Variants in CUL4B observed in about 807,000 individuals in gnomAD.
CUL4B encodes the protein cullin 4B, also known as cullin-4B.
A neutral mutation model predicts 69.2 loss-of-function variants in CUL4B; 1 was observed. The ratio of observed to expected loss-of-function variants is 0.01; its 90% CI spans 0.01 to 0.07. CUL4B has a LOEUF of 0.07. Among genes scored for constraint, CUL4B ranks in the 10% least tolerant of loss-of-function variants. The pLI is 1.00. For missense variants in CUL4B, 328 were observed against 638.8 expected, an observed-to-expected ratio of 0.51 and a Z score of 5.24; for synonymous variants, 237 against 223.2, an observed-to-expected ratio of 1.06 and a Z score of -0.55.
chrX:120,560,894 CG>C lies in CUL4B; in HGVS notation c.-257del, dbSNP rs961711890. The C allele has an allele frequency of 1.8e-4, 133 of 750,350 alleles. 1 individual carries two copies. The highest frequency in any genetic ancestry group is 2.1e-4 in the Non-Finnish European group (133 of 638,282). 61.8% of individuals were successfully genotyped at this position (750,350 alleles called of 1,213,427 possible). ...ATGAGGAGGCAGACAGGTAAACGGC[CG>C]TGCCGTCCCCCTCCCCTGCTTTTCG... On this transcript the variant is annotated 5_prime_UTR_variant, in exon 1 of 20. Coordinates refer to ENST00000371322, the MANE Select transcript of CUL4B (RefSeq NM_001079872.2).
chrX:120,540,324 T>A (rs771209736), intron 11 of CUL4B, 46 bp downstream of exon 11: 1 of 1,111,750 alleles, frequency 9.0e-7, no homozygotes, highest in South Asian at 1.8e-5. Context: ...ATTTTATGAC[T>A]CAAAGAACAT....
rs771520288 is a variant in CUL4B, at chrX:120,542,053, A to AC, written c.1325-334dup. On this transcript the variant is annotated intron_variant, in intron 9 of 19. Coordinates refer to ENST00000371322, the MANE Select transcript of CUL4B (RefSeq NM_001079872.2). ...AGACCAGCCTGGGCACAACAGTAAG[A>AC]CCCCCTCCCCCTCTCTATTTTAATT... Among the ~76,000 whole-genome samples, 9 of 110,040 alleles carry AC rather than the reference A, an allele frequency of 8.2e-5. No individual in the cohort carries two copies. In the South Asian group the frequency reaches 3.5e-3, roughly 43 times the overall value.
intron 13 of CUL4B, 80 bp downstream of exon 13, chrX:120,538,580 G>A (rs1479934305): frequency 8.9e-6 from 6 of 677,761 alleles, no homozygotes; most frequent in Non-Finnish European, 1.4e-5. Flanking sequence ...TGACAAAAGA[G>A]GAAATCGATT....
In CUL4B at chrX:120,537,039, A is replaced by G. The variant is rs1470512029; in HGVS notation, c.1939-5T>C. The G allele has an allele frequency of 7.2e-6, 8 of 1,110,737 alleles. No individual in the cohort carries two copies. Among genetic ancestry groups the G allele is most frequent in the Non-Finnish European group, 9.9e-6 (8 of 805,320 alleles). The allele number at this position is 1,110,737 out of a possible 1,213,427, so 91.5% of individuals were successfully genotyped here. On this transcript the variant is annotated splice_polypyrimidine_tract_variant and splice_region_variant and intron_variant, in intron 14 of 19. Coordinates refer to ENST00000371322, the MANE Select transcript of CUL4B (RefSeq NM_001079872.2). ...AACATTCTGATTCTGCATATACTAT[A>G]AGAAGATCAAAACACACACTGAGAT...
chrX:120,529,973 A>G, intron 19 of CUL4B, 129 bp downstream of exon 19: 1 of 698,000 alleles, frequency 1.4e-6, no homozygotes, highest in Non-Finnish European at 2.1e-6. Context: ...ATGCATCAAC[A>G]TGGGAAATTA....
chrX:120,540,377 T>C lies in CUL4B; in HGVS notation c.1629A>G (p.Glu543=). The C allele has an allele frequency of 8.3e-7, 1 of 1,203,108 alleles. No individual in the cohort carries two copies. Among genetic ancestry groups the C allele is most frequent in the Non-Finnish European group, 1.1e-6 (1 of 887,917 alleles). Residue 543 remains glutamate, a synonymous_variant, in exon 11 of 20, where the codon GAA becomes GAG. Transcript: ENST00000371322. The part of the protein sequence containing the change: ...FINKRPNKPA[E]LIAKYVDSKL... ...AAGGACTGGAAAACATACCTATAAG[T>C]TCAGCTGGTTTATTTGGTCTTTTGT...
At chrX:120,548,176 A>C (rs1924449236) in intron 2 of CUL4B, among the ~76,000 whole-genome samples, 1 of 111,368 alleles carries the variant, frequency 9.0e-6, no homozygotes, top group Admixed American at 9.6e-5. Context: ...TAGGAGGCTG[A>C]GGCAGGAGGA....
In CUL4B at chrX:120,546,627, T is replaced by C. The variant is rs1924348219; in HGVS notation, c.777-11A>G. 1 of 1,148,222 alleles carries C rather than the reference T, an allele frequency of 8.7e-7. No individual in the cohort carries two copies. Among genetic ancestry groups the C allele is most frequent in the Non-Finnish European group, 1.2e-6 (1 of 838,616 alleles). The allele number at this position is 1,148,222 out of a possible 1,213,427, so 94.6% of individuals were successfully genotyped here. On this transcript the variant is annotated splice_polypyrimidine_tract_variant and intron_variant, in intron 3 of 19. Coordinates refer to ENST00000371322, the MANE Select transcript of CUL4B (RefSeq NM_001079872.2). ...CTATCCAATGAATCCCTGAAACATA[T>C]GTTAAGGATATTTTAAAGCGTTTGG...
upstream of CUL4B, among the ~76,000 whole-genome samples, chrX:120,561,739 G>A (rs2147352250): frequency 9.1e-6 from 1 of 110,315 alleles, no homozygotes; most frequent in Non-Finnish European, 1.9e-5. Flanking sequence ...AATAAGGAGT[G>A]GTTGCAAGGC....
At position 120,524,981 on chromosome X, in the gene CUL4B, T is replaced by C. The variant is rs2147313192; in HGVS notation, c.*1780A>G. The C allele has an allele frequency of 8.9e-6, 1 of 112,005 alleles. No individual in the cohort carries two copies. Among genetic ancestry groups the C allele is most frequent in the Admixed American group, 9.6e-5 (1 of 10,418 alleles). 9.2% of individuals were successfully genotyped at this position (112,005 alleles called of 1,213,427 possible). On this transcript the variant is annotated 3_prime_UTR_variant, in exon 20 of 20. Transcript: ENST00000371322. ...ATCTCACAGACCATCAGGGATGAGT[T>C]AGAACACTGTTGTTGATGGTCCGGT...
At chrX:120,551,457 T>C (rs1383090629) in intron 2 of CUL4B, among the ~76,000 whole-genome samples, 2 of 111,085 alleles carry the variant, frequency 1.8e-5, no homozygotes, top group African/African-American at 6.6e-5. Flanking sequence ...CACCTCAGCC[T>C]CCCAAAGTGC....
At chrX:120,561,166 C>A, upstream of CUL4B, 1 of 832,600 alleles carries the variant, frequency 1.2e-6, no homozygotes, top group Non-Finnish European at 1.6e-6. Context: ...GCGCTGCAGC[C>A]GCCCGGGGGG....
At chrX:120,554,034 C>T (rs1442045296) in intron 2 of CUL4B, among the ~76,000 whole-genome samples, 1 of 111,508 alleles carries the variant, frequency 9.0e-6, no homozygotes, top group Non-Finnish European at 1.9e-5. Context: ...ATTTATCAGA[C>T]AGCTGCTCTG....
rs1436995225 is a variant in CUL4B, at chrX:120,544,322, T to G, written c.1084-119A>C. The G allele has an allele frequency of 1.1e-5, 9 of 795,934 alleles. No homozygotes were observed. The East Asian group carries it at 2.9e-4, about 26-fold the overall frequency. 65.6% of individuals were successfully genotyped at this position (795,934 alleles called of 1,213,427 possible). ...TTTAAACATCAAGCTAGGATCCTTTTGTAGTTGAGAAGCATGATGATTGGG... is the reference window on the plus strand; with the variant it reads ...TTTAAACATCAAGCTAGGATCCTTTGGTAGTTGAGAAGCATGATGATTGGG... On this transcript the variant is annotated intron_variant, in intron 6 of 19. Transcript: ENST00000371322.
At chrX:120,528,022 T>G (rs1923084874) in intron 19 of CUL4B, among the ~76,000 whole-genome samples, 1 of 112,529 alleles carries the variant, frequency 8.9e-6, no homozygotes, top group African/African-American at 3.2e-5. Flanking sequence ...AATACTAGTT[T>G]TGTCAAGATA....
At chrX:120,565,670 CAAAAAAAAAAAA>C (rs1198327776), upstream of CUL4B, among the ~76,000 whole-genome samples, 4 of 22,371 alleles carry the variant, frequency 1.8e-4, no homozygotes, top group African/African-American at 3.9e-4. Flanking sequence ...TGACAGAGTG[CAAAAAAAAAAAA>C]AAAAAAAAAA....
Position 120,541,862 on chromosome X carries a change from G to A in CUL4B, c.1325-142C>T, listed in dbSNP as rs1602577355. On this transcript the variant is annotated intron_variant, in intron 9 of 19. Transcript: ENST00000371322. Reference sequence around the variant, plus strand: ...GACTAGTCTGTATGTGAGTTGTAATGTAAGATTTCCTTTGAATTAAACCCA... The same window carrying A: ...GACTAGTCTGTATGTGAGTTGTAATATAAGATTTCCTTTGAATTAAACCCA... The A allele has an allele frequency of 1.1e-5, 5 of 475,712 alleles. No homozygotes were observed. The East Asian group carries it at 1.9e-4, about 18-fold the overall frequency. The allele number at this position is 475,712 out of a possible 1,213,427, so 39.2% of individuals were successfully genotyped here. A position where few individuals can be genotyped will look rare whatever the true frequency, so the allele number is the denominator to read the frequency against.
At chrX:120,558,760 A>G (rs752630655) in intron 1 of CUL4B, among the ~76,000 whole-genome samples, 4 of 111,992 alleles carry the variant, frequency 3.6e-5, no homozygotes, top group South Asian at 7.3e-4. Flanking sequence ...GAGTGTGGGG[A>G]AAAAAGTTTT....
chrX:120,538,958 T>C (rs1451296784), intron 12 of CUL4B, among the ~76,000 whole-genome samples, 188 bp from the exon 13 acceptor site: 1 of 112,170 alleles, frequency 8.9e-6, no homozygotes, highest in Non-Finnish European at 1.9e-5. Flanking sequence ...GTCTTTATTG[T>C]AAAACTTTTT....
Sources: gnomAD v4.1 joint callset for allele counts (sites outside exome capture counted in the v4.1 genomes callset) on GRCh38, gnomAD v4.1.1 for gene constraint, MANE v1.5 for transcripts, NCBI Gene and HGNC (gene_info 2026-07-23, HGNC 2026-07-21) for gene names.